The following PCP4 variants were observed in gnomAD, a reference collection of about 807,000 sequenced individuals.
PCP4 encodes calmodulin regulator protein PCP4.
A neutral mutation model predicts 10.0 loss-of-function variants in PCP4; 8 were observed. The observed-to-expected ratio is 0.80, with a 90% CI of 0.47 to 1.45. The LOEUF (loss-of-function observed/expected upper bound fraction) is 1.45. Among genes scored for constraint, PCP4 ranks in the 40% most tolerant of loss-of-function variants. PCP4 has a pLI of 0.00. For synonymous variants in PCP4, 21 were observed against 23.0 expected (o/e 0.91, Z 0.24); for missense variants, 54 against 74.4 (o/e 0.73, Z 1.01).
At chr21:39,919,261 C>G (rs200092594) in intron 2 of PCP4, among the ~76,000 whole-genome samples, 1 of 152,190 alleles carries the variant, frequency 6.6e-6, no homozygotes, top group East Asian at 1.9e-4. Context: ...CACAGAACTC[C>G]GCATCAATTA....
At chr21:39,903,854 T>C (rs1055250344) in intron 2 of PCP4, among the ~76,000 whole-genome samples, 1 of 114,974 alleles carries the variant, frequency 8.7e-6, no homozygotes, top group Non-Finnish European at 1.7e-5. Flanking sequence ...GGCTAAAGAG[T>C]GGGACTCCGT....
intron 1 of PCP4, among the ~76,000 whole-genome samples, chr21:39,869,662 G>C (rs1051560723): frequency 6.6e-6 from 1 of 152,144 alleles, no homozygotes; most frequent in Non-Finnish European, 1.5e-5. Context: ...TGTGCTCCTT[G>C]GAGAGCAGGA....
chr21:39,908,921 C>CTT (rs1267049757), intron 2 of PCP4, among the ~76,000 whole-genome samples: 1 of 152,224 alleles, frequency 6.6e-6, no homozygotes, highest in Non-Finnish European at 1.5e-5. Context: ...AAATTTGTGA[C>CTT]TGCAGGATCA....
chr21:39,902,252 C>T (rs953069171), intron 2 of PCP4, among the ~76,000 whole-genome samples: 2 of 152,128 alleles, frequency 1.3e-5, no homozygotes, highest in South Asian at 4.2e-4. Context: ...AAGGAACATT[C>T]TCAATTGTAT....
At chr21:39,910,131 G>A (rs1052644598) in intron 2 of PCP4, among the ~76,000 whole-genome samples, 2 of 152,118 alleles carry the variant, frequency 1.3e-5, no homozygotes, top group Non-Finnish European at 2.9e-5. Flanking sequence ...AAAACAATTG[G>A]AAATCGAATC....
chr21:39,921,582 G>A (rs191935897), intron 2 of PCP4, among the ~76,000 whole-genome samples: 19 of 152,196 alleles, frequency 1.2e-4, no homozygotes, highest in African/African-American at 4.6e-4. Flanking sequence ...GAGCCGTGTC[G>A]TCTCCCCACC....
intron 2 of PCP4, among the ~76,000 whole-genome samples, chr21:39,900,270 G>A (rs2146338472): frequency 6.6e-6 from 1 of 152,226 alleles, no homozygotes; most frequent in East Asian, 1.9e-4. Context: ...CCTGAACTCA[G>A]CTGATCCACC....
intron 1 of PCP4, among the ~76,000 whole-genome samples, chr21:39,877,460 G>A (rs1020150687): frequency 3.9e-5 from 6 of 151,926 alleles, no homozygotes; most frequent in Non-Finnish European, 5.9e-5. Context: ...ACCCAGGTGG[G>A]AGGATTGGTT....
At chr21:39,883,890 TAGA>T (rs1337703368) in intron 1 of PCP4, among the ~76,000 whole-genome samples, 2 of 152,250 alleles carry the variant, frequency 1.3e-5, no homozygotes, top group African/African-American at 2.4e-5. Flanking sequence ...TGATTTTTCT[TAGA>T]AACCAAATCC....
chr21:39,897,165 G>A (rs557419168), intron 1 of PCP4, among the ~76,000 whole-genome samples: 60 of 152,100 alleles, frequency 3.9e-4, no homozygotes, highest in African/African-American at 1.4e-3. Context: ...CGAGGCGGGT[G>A]GATCATGGGG....
At chr21:39,927,341 C>CTA (rs1488007255) in intron 2 of PCP4, among the ~76,000 whole-genome samples, 28 of 31,834 alleles carry the variant, frequency 8.8e-4, no homozygotes, top group African/African-American at 5.1e-3. Context: ...ATCTATCTGT[C>CTA]TATCTATCTA....
intron 1 of PCP4, among the ~76,000 whole-genome samples, chr21:39,879,393 T>A (rs2087361207): frequency 6.6e-6 from 1 of 152,200 alleles, no homozygotes; most frequent in South Asian, 2.1e-4. Context: ...CTTTGCCGTC[T>A]TTAAAAATGA....
chr21:39,879,056 C>T (rs1301238121), intron 1 of PCP4, among the ~76,000 whole-genome samples: 1 of 150,364 alleles, frequency 6.7e-6, no homozygotes, highest in Non-Finnish European at 1.5e-5. Context: ...ATGGCGCTAT[C>T]TTAGCTCACT....
At chr21:39,893,234 T>C (rs1313020914) in intron 1 of PCP4, among the ~76,000 whole-genome samples, 2 of 152,228 alleles carry the variant, frequency 1.3e-5, no homozygotes, top group Non-Finnish European at 2.9e-5. Flanking sequence ...ATATATATTC[T>C]TCACTACTTT....
intron 1 of PCP4, among the ~76,000 whole-genome samples, chr21:39,867,802 A>C (rs1432443835): frequency 1.3e-5 from 2 of 152,178 alleles, no homozygotes; most frequent in Non-Finnish European, 2.9e-5. Flanking sequence ...AGAAAGCCAA[A>C]TGTTTTATTC....
At chr21:39,886,147 C>T (rs535317835) in intron 1 of PCP4, among the ~76,000 whole-genome samples, 11 of 152,268 alleles carry the variant, frequency 7.2e-5, no homozygotes, top group African/African-American at 2.6e-4. Context: ...TAGGATGACA[C>T]TGTGGGGTAC....
intron 2 of PCP4, among the ~76,000 whole-genome samples, chr21:39,899,396 T>C (rs2087472599): frequency 1.3e-5 from 2 of 152,204 alleles, no homozygotes; most frequent in African/African-American, 4.8e-5. Context: ...GATGCTAGTG[T>C]CCATCAATCA....
intron 2 of PCP4, among the ~76,000 whole-genome samples, chr21:39,928,550 A>T (rs1252028326): frequency 3.9e-5 from 6 of 152,242 alleles, no homozygotes; most frequent in African/African-American, 1.4e-4. Flanking sequence ...AGAATGACAC[A>T]CAGAATTATA....
At chr21:39,902,268 G>A (rs1294487617) in intron 2 of PCP4, among the ~76,000 whole-genome samples, 1 of 152,084 alleles carries the variant, frequency 6.6e-6, no homozygotes, top group Non-Finnish European at 1.5e-5. Flanking sequence ...TGTATTAATT[G>A]TCTGTACAAG....
Sources: gnomAD v4.1 joint callset for allele counts (sites outside exome capture counted in the v4.1 genomes callset) on GRCh38, gnomAD v4.1.1 for gene constraint, MANE v1.5 for transcripts, NCBI Gene and HGNC (gene_info 2026-07-23, HGNC 2026-07-21) for gene names.